The following THNSL1 variants were observed in gnomAD, a reference collection of about 807,000 sequenced individuals.
The protein encoded by THNSL1 is threonine synthase like 1.
THNSL1 carries 48 observed loss-of-function variants against 50.4 expected under a neutral mutation model. That is an observed-to-expected ratio of 0.95 (90% CI 0.76 to 1.21). THNSL1 has a LOEUF of 1.21. Among genes scored for constraint, THNSL1 ranks in the 50% most tolerant of loss-of-function variants. The probability of loss-of-function intolerance (pLI) is 0.00; values close to 1 mark genes in which losing one functional copy is unlikely to be tolerated. For synonymous variants in THNSL1, 309 were observed against 306.1 expected, an observed-to-expected ratio of 1.01 and a Z score of -0.10; for missense variants, 896 against 871.7, an observed-to-expected ratio of 1.03 and a Z score of -0.35.
At chr10:24,967,447 T>TG in the THNSL1 span, among the ~76,000 whole-genome samples, 4 of 152,258 alleles carry the variant, frequency 2.6e-5, no homozygotes, top group East Asian at 7.7e-4. Context: ...ATGGAGGTAG[T>TG]GGGGGAAGGA....
the THNSL1 span, chr10:24,982,444 T>G: frequency 6.6e-6 from 1 of 152,198 alleles, no homozygotes; most frequent in South Asian, 2.1e-4. Flanking sequence ...CAAATCTTTA[T>G]TCTACCCATT....
chr10:25,017,568 CCTTA>C, intron 1 of THNSL1, among the ~76,000 whole-genome samples: 1 of 151,184 alleles, frequency 6.6e-6, no homozygotes, highest in South Asian at 2.1e-4. Flanking sequence ...ATGTGTAGGT[CCTTA>C]CTTTGGGCTC....
At chr10:25,013,718 G>C (rs1157704632), upstream of THNSL1, among the ~76,000 whole-genome samples, 2 of 152,158 alleles carry the variant, frequency 1.3e-5, no homozygotes, top group African/African-American at 4.8e-5. Flanking sequence ...AGAGGTGGGT[G>C]GATTACTGGA....
chr10:24,990,568 C>A, the THNSL1 span: 22 of 1,613,122 alleles, frequency 1.4e-5, no homozygotes, highest in Non-Finnish European at 1.8e-5. Flanking sequence ...TCTTTATTTC[C>A]TCGTTTCGCT....
chr10:24,977,223 G>A, the THNSL1 span, among the ~76,000 whole-genome samples: 1 of 152,090 alleles, frequency 6.6e-6, no homozygotes, highest in South Asian at 2.1e-4. Context: ...TGTCAAATAG[G>A]TGTAATTCTT....
chr10:25,020,362 A>G (rs530794440), intron 1 of THNSL1, among the ~76,000 whole-genome samples: 4 of 152,278 alleles, frequency 2.6e-5, no homozygotes, highest in Non-Finnish European at 5.9e-5. Flanking sequence ...ATATAGGAAA[A>G]GTAAGATTGC....
the THNSL1 span, among the ~76,000 whole-genome samples, chr10:24,991,361 CAA>C: frequency 6.6e-6 from 1 of 152,036 alleles, no homozygotes; most frequent in African/African-American, 2.4e-5. Flanking sequence ...AAAGAAAAGA[CAA>C]AGTCTTTGAA....
At chr10:25,012,378 C>T (rs1429316775), upstream of THNSL1, among the ~76,000 whole-genome samples, 3 of 152,190 alleles carry the variant, frequency 2.0e-5, no homozygotes, top group Non-Finnish European at 4.4e-5. Context: ...AATGGTAAAT[C>T]CACTGAGAGC....
At position 25,023,639 on chromosome 10, in the gene THNSL1, A is replaced by G. The variant is rs1381992380; in HGVS notation, c.416A>G (p.Asp139Gly). Residue 139 changes from aspartate to glycine, a missense_variant, in exon 3 of 3, where the codon GAT becomes GGT. Physicochemically the swap from Asp to Gly is moderately conservative, Grantham distance 94. Transcript: ENST00000376356. The stretch of plus-strand genomic sequence containing the variant: ...CTTACTGGGTCCAATCCAATGCATG[A>G]TGCTAGCATGTGGCATCTGAAGAAA... The part of the protein sequence containing the change: ...ISLTGSNPMH[D>G]ASMWHLKKNG... The G allele has an allele frequency of 6.2e-7, 1 of 1,614,186 alleles. No individual in the cohort carries two copies. The highest frequency in any genetic ancestry group is 1.3e-5 in the African/African-American group (1 of 75,064).
the THNSL1 span, among the ~76,000 whole-genome samples, chr10:25,000,440 G>T: frequency 6.6e-6 from 1 of 151,972 alleles, no homozygotes; most frequent in Non-Finnish European, 1.5e-5. Context: ...TTGTGGATTT[G>T]GCTATTTCTT....
chr10:24,956,612 G>T, the THNSL1 span, among the ~76,000 whole-genome samples: 1 of 151,862 alleles, frequency 6.6e-6, no homozygotes, highest in Non-Finnish European at 1.5e-5. Context: ...TCAACTCAGG[G>T]TAATTAGCAT....
chr10:24,969,412 G>A, the THNSL1 span, among the ~76,000 whole-genome samples: 1 of 152,122 alleles, frequency 6.6e-6, no homozygotes, highest in African/African-American at 2.4e-5. Context: ...TTATAAGTGA[G>A]CTCTGAAGAA....
At chr10:24,952,719 C>T in the THNSL1 span, 1 of 798,864 alleles carries the variant, frequency 1.3e-6, no homozygotes, top group Non-Finnish European at 1.9e-6. The surrounding 1 kb of genome is among the most constrained non-coding windows in gnomAD (Gnocchi z 5.1). Context: ...GCCCCGGGCC[C>T]GCCGGCGGGA....
chr10:25,016,527 G>A (rs1384610192), upstream of THNSL1: 1 of 152,496 alleles, frequency 6.6e-6, no homozygotes, highest in Non-Finnish European at 1.5e-5. Flanking sequence ...GGGAGGGGAG[G>A]AGCCTGAGGA....
chr10:24,961,621 G>T, the THNSL1 span, among the ~76,000 whole-genome samples: 2 of 151,978 alleles, frequency 1.3e-5, no homozygotes, highest in Admixed American at 6.6e-5. Flanking sequence ...ACACTTTGAG[G>T]TTCGAGGGAA....
At chr10:25,004,607 C>A in the THNSL1 span, among the ~76,000 whole-genome samples, 1 of 152,002 alleles carries the variant, frequency 6.6e-6, no homozygotes, top group African/African-American at 2.4e-5. Context: ...TTTTTAATAG[C>A]ATTATTTGTT....
chr10:24,974,099 C>T, the THNSL1 span, among the ~76,000 whole-genome samples: 1 of 151,910 alleles, frequency 6.6e-6, no homozygotes. Context: ...ATTGAATAAG[C>T]ACAGTATGAT....
the THNSL1 span, among the ~76,000 whole-genome samples, chr10:24,974,443 A>T: frequency 2.0e-4 from 30 of 152,312 alleles, no homozygotes; most frequent in East Asian, 4.2e-3. Context: ...TACATGAAAA[A>T]CACAACAGTT....
the THNSL1 span, among the ~76,000 whole-genome samples, chr10:24,953,998 A>C: frequency 6.6e-6 from 1 of 152,158 alleles, no homozygotes; most frequent in African/African-American, 2.4e-5. Flanking sequence ...GTTTCTCAGC[A>C]CACGGGTAAA....
Sources: gnomAD v4.1 joint callset for allele counts (sites outside exome capture counted in the v4.1 genomes callset) on GRCh38, gnomAD v4.1.1 for gene constraint, Gnocchi (gnomAD v3.1) non-coding constraint, MANE v1.5 for transcripts, NCBI Gene and HGNC (gene_info 2026-07-23, HGNC 2026-07-21) for gene names.